GCN1: variants seen among roughly 807,000 people sequenced by gnomAD.
GCN1 encodes stalled ribosome sensor GCN1.
GCN1 carries 90 observed loss-of-function variants against 288.4 expected under a neutral mutation model. The ratio of observed to expected loss-of-function variants is 0.31; its 90% CI spans 0.26 to 0.37. The LOEUF (loss-of-function observed/expected upper bound fraction) is 0.37. GCN1 is among the 10% of genes least tolerant of loss of function. The pLI is 1.00. For synonymous variants in GCN1, 1,386 were observed against 1,420.2 expected (o/e 0.98, Z 0.54); for missense variants, 2,586 against 3,419.9 (o/e 0.76, Z 6.08).
At position 120,181,549 on chromosome 12, in the gene GCN1, G is replaced by A. The variant is rs1306421406; in HGVS notation, c.426+2020C>T. On this transcript the variant is annotated intron_variant, in intron 5 of 57. Coordinates refer to ENST00000300648, the MANE Select transcript of GCN1 (RefSeq NM_006836.2). ...TTTTAATACATTTTTTTAAAAGTAG[G>A]CTGGGCACGACCAGGTGCAGTGGCT... Among the ~76,000 whole-genome samples the A allele has an allele frequency of 2.0e-5, 3 of 149,864 alleles. No homozygotes were observed. In the Admixed American group the frequency reaches 2.0e-4, roughly 10 times the overall value.
intron 18 of GCN1, among the ~76,000 whole-genome samples, chr12:120,163,640 C>T (rs570374797): frequency 1.3e-5 from 2 of 152,172 alleles, no homozygotes; most frequent in South Asian, 2.1e-4. Context: ...GGTCTCCCTC[C>T]GTCGGGGGAG....
chr12:120,166,049 A>G (rs1030640080), intron 16 of GCN1, among the ~76,000 whole-genome samples: 1 of 151,590 alleles, frequency 6.6e-6, no homozygotes. Flanking sequence ...CGGCCTCCCA[A>G]AGTGCTGGGA....
intron 16 of GCN1, among the ~76,000 whole-genome samples, chr12:120,167,017 C>CAAA (rs1878151944): frequency 6.7e-6 from 1 of 149,840 alleles, no homozygotes; most frequent in African/African-American, 2.5e-5. Context: ...CCTGTCTCAA[C>CAAA]AACAACAACA....
rs1163351785 is a variant in GCN1, at chr12:120,184,890, G to A, written c.122-3C>T. Reference sequence around the variant, plus strand: ...CTTCACTGCTCCCTCTGGAAGATCTGAAACCAGAGATTACACAGACAGCGG... The same window carrying A: ...CTTCACTGCTCCCTCTGGAAGATCTAAAACCAGAGATTACACAGACAGCGG... On this transcript the variant is annotated splice_region_variant and splice_polypyrimidine_tract_variant and intron_variant, in intron 2 of 57. Coordinates refer to ENST00000300648, the MANE Select transcript of GCN1 (RefSeq NM_006836.2). 6.2e-7 allele frequency: 1 copy of A among 1,601,164 alleles called. No homozygotes were observed. Among genetic ancestry groups the A allele is most frequent in the Admixed American group, 1.7e-5 (1 of 59,986 alleles).
In GCN1 at chr12:120,151,261, G is replaced by C; in HGVS notation, c.4193C>G (p.Ala1398Gly). The C allele has an allele frequency of 6.2e-7, 1 of 1,614,202 alleles. No homozygotes were observed. The highest frequency in any genetic ancestry group is 8.5e-7 in the Non-Finnish European group (1 of 1,180,038). The part of the protein sequence containing the change: ...SDKYAERKGA[A>G]YGLAGLVKGL... ...CTTCACCAGGCCCGCCAGGCCATAG[G>C]CGGCCCCTTTGCGCTCTGCGTACTT... Residue 1398 changes from alanine (A) to glycine (G), a missense_variant, in exon 34 of 58, where the codon GCC becomes GGC. Ala to Gly is a moderately conservative substitution (Grantham distance 60). Around this residue, in one of 8 missense-constraint regions of GCN1, gnomAD observed 332 missense variants for 403.0 expected, o/e 0.82. Coordinates refer to ENST00000300648, the MANE Select transcript of GCN1 (RefSeq NM_006836.2).
chr12:120,129,222 A>G (rs1353485338), intron 57 of GCN1, 54 bp downstream of exon 57: 4 of 1,236,412 alleles, frequency 3.2e-6, no homozygotes, highest in Non-Finnish European at 4.8e-6. Context: ...GCTGAAGAAG[A>G]GCTGAAAGAC....
At chr12:120,176,062 T>C in intron 10 of GCN1, 81 bp downstream of exon 10, 1 of 1,260,954 alleles carries the variant, frequency 7.9e-7, no homozygotes, top group Admixed American at 1.7e-5. Flanking sequence ...AGCTGTCCCC[T>C]ACCCCTGCTA....
chr12:120,127,614 T>G lies in GCN1; in HGVS notation c.*235A>C, dbSNP rs1378625186. On this transcript the variant is annotated 3_prime_UTR_variant, in exon 58 of 58. Transcript: ENST00000300648. ...AAACAGCTCCTGGGCTGCCATTTGCTGAGGCGCATGCGTGTGCTTTTCCTT... is the reference window on the plus strand; with the variant it reads ...AAACAGCTCCTGGGCTGCCATTTGCGGAGGCGCATGCGTGTGCTTTTCCTT... 1 of 476,900 alleles carries G rather than the reference T, an allele frequency of 2.1e-6. No individual in the cohort carries two copies. The highest frequency in any genetic ancestry group is 3.8e-6 in the Non-Finnish European group (1 of 262,020). 29.5% of individuals were successfully genotyped at this position (476,900 alleles called of 1,614,324 possible). A position where few individuals can be genotyped will look rare whatever the true frequency, so the allele number is the denominator to read the frequency against.
chr12:120,149,001 G>T (rs4767881), intron 36 of GCN1, among the ~76,000 whole-genome samples: 122,821 of 147,360 alleles, frequency 0.83, 51,460 homozygotes, highest in East Asian at 0.98. Context: ...TTTTTTTTTT[G>T]GTAGAGGTAG....
chr12:120,183,151 C>T (rs902812568), intron 5 of GCN1, among the ~76,000 whole-genome samples: 5 of 152,138 alleles, frequency 3.3e-5, no homozygotes, highest in Non-Finnish European at 7.4e-5. Context: ...CCATTCCATT[C>T]ACCAGTTCAA....
At position 120,138,428 on chromosome 12, in the gene GCN1, T is replaced by C; in HGVS notation, c.6157-13A>G. On this transcript the variant is annotated splice_polypyrimidine_tract_variant and intron_variant, in intron 46 of 57. Coordinates refer to ENST00000300648, the MANE Select transcript of GCN1 (RefSeq NM_006836.2). ...CCTCCTCGTCATCCTGCAGAGGGTG[T>C]TGGGGACAACCCTGAGGAATCTGCA... 1.3e-6 allele frequency: 2 copies of C among 1,541,310 alleles called. No individual in the cohort carries two copies. The highest frequency in any genetic ancestry group is 2.2e-5 in the East Asian group (1 of 44,548).
At chr12:120,168,050 G>GA (rs1878189727) in intron 16 of GCN1, among the ~76,000 whole-genome samples, 158 bp downstream of exon 16, 1 of 152,040 alleles carries the variant, frequency 6.6e-6, no homozygotes, top group African/African-American at 2.4e-5. Flanking sequence ...TTCCCTACAG[G>GA]AATGAATTTA....
intron 18 of GCN1, among the ~76,000 whole-genome samples, chr12:120,163,983 A>G (rs1455013010): frequency 6.6e-6 from 1 of 152,164 alleles, no homozygotes; most frequent in South Asian, 2.1e-4. Context: ...TCAAAAAATT[A>G]GCGGCCACTG....
intron 18 of GCN1, 28 bp downstream of exon 18, chr12:120,164,308 C>T: frequency 6.3e-7 from 1 of 1,593,118 alleles, no homozygotes; most frequent in South Asian, 1.1e-5. Flanking sequence ...ATCCAAGAGC[C>T]CCAGTTCTAG....
intron 1 of GCN1, 124 bp downstream of exon 1, chr12:120,194,556 G>T: frequency 2.1e-6 from 2 of 940,348 alleles, no homozygotes; most frequent in South Asian, 1.5e-5. Context: ...ACGGCCCCGA[G>T]ACTACGACCT....
chr12:120,169,790 A>G (rs1361507615), intron 15 of GCN1, among the ~76,000 whole-genome samples: 14 of 152,228 alleles, frequency 9.2e-5, no homozygotes, highest in Non-Finnish European at 7.3e-5. Flanking sequence ...CACCGTTTAC[A>G]GAGGGAAACT....
At chr12:120,186,320 A>G (rs1338187268) in intron 2 of GCN1, among the ~76,000 whole-genome samples, 1 of 151,960 alleles carries the variant, frequency 6.6e-6, no homozygotes, top group Non-Finnish European at 1.5e-5. Flanking sequence ...GGTTGCAGTG[A>G]GCAGAGATGG....
chr12:120,139,574 G>A (rs1014828400), intron 45 of GCN1, among the ~76,000 whole-genome samples: 2 of 151,888 alleles, frequency 1.3e-5, no homozygotes, highest in African/African-American at 4.8e-5. Flanking sequence ...GTTACAATGA[G>A]CTATGATCGC....
chr12:120,131,050 C>G (rs1876801121), intron 55 of GCN1, 135 bp downstream of exon 55: 1 of 769,752 alleles, frequency 1.3e-6, no homozygotes, highest in Non-Finnish European at 2.2e-6. Flanking sequence ...TCCAAGGGCA[C>G]AGCAAGTTAC....
Sources: allele counts gnomAD v4.1 joint callset (sites outside exome capture counted in the v4.1 genomes callset), GRCh38; gene constraint gnomAD v4.1.1; regional missense constraint gnomAD v4.1.1; transcripts MANE v1.5; gene names NCBI Gene and HGNC (gene_info 2026-07-23, HGNC 2026-07-21).